TGFB1: variants seen among roughly 807,000 people sequenced by gnomAD.
TGFB1 encodes transforming growth factor beta 1.
TGFB1 carries 19 observed loss-of-function variants against 43.8 expected under a neutral mutation model. The ratio of observed to expected loss-of-function variants is 0.43; its 90% confidence interval spans 0.30 to 0.64. The LOEUF is 0.64. Among genes scored for constraint, TGFB1 ranks in the 30% least tolerant of loss-of-function variants. The pLI is 0.11. For synonymous variants in TGFB1, 221 were observed against 236.3 expected (o/e 0.94, Z 0.60); for missense variants, 445 against 529.8 (o/e 0.84, Z 1.57).
chr19:41,331,399 T>G lies in TGFB1; in HGVS notation c.1015-189A>C, dbSNP rs2037929346. 2.6e-5 allele frequency among the ~76,000 whole-genome samples: 4 copies of G among 151,916 alleles called. No individual in the cohort carries two copies. The South Asian group carries it at 8.3e-4, about 32-fold the overall frequency. ...CTATCTTATTCTGTCTCTCCCCACCTGTCTGATTTTCTTTTTGTTTTGAGA... is the reference window on the plus strand; with the variant it reads ...CTATCTTATTCTGTCTCTCCCCACCGGTCTGATTTTCTTTTTGTTTTGAGA... On this transcript the variant is annotated intron_variant, in intron 6 of 6. Transcript: ENST00000221930.
intron 5 of TGFB1, among the ~76,000 whole-genome samples, chr19:41,339,785 C>T (rs186924792): frequency 1.8e-4 from 28 of 152,252 alleles, no homozygotes; most frequent in East Asian, 1.7e-3. Context: ...GATCACGCCA[C>T]TGCACTCCAG....
intron 5 of TGFB1, 118 bp from the exon 6 acceptor site, chr19:41,332,399 T>C (rs2037943731): frequency 8.4e-7 from 1 of 1,194,094 alleles, no homozygotes; most frequent in Admixed American, 2.1e-5. Flanking sequence ...TATCTCCATC[T>C]GGGTCTCCCT....
Position 41,340,385 on chromosome 19 carries a change from C to G in TGFB1, c.860+1498G>C, listed in dbSNP as rs187658608. On this transcript the variant is annotated intron_variant, in intron 5 of 6. Coordinates refer to ENST00000221930, the MANE Select transcript of TGFB1 (RefSeq NM_000660.7). The stretch of plus-strand genomic sequence containing the variant: ...GATTCTCCTGCCCCAGCCTGGGTAC[C>G]TGGATAGCCGTAATCCCAGCCGAGT... Among the ~76,000 whole-genome samples, 242 of 151,760 alleles carry G rather than the reference C, an allele frequency of 1.6e-3. 1 individual carries two copies. The highest frequency in any genetic ancestry group is 5.6e-3 in the African/African-American group (232 of 41,356).
intron 5 of TGFB1, among the ~76,000 whole-genome samples, chr19:41,333,210 T>C: frequency 6.0e-5 from 2 of 33,158 alleles, no homozygotes; most frequent in African/African-American, 1.3e-3. Context: ...TTTTTTTCTA[T>C]TTTTTTTTTT....
At chr19:41,343,654 G>A (rs1357071028) in intron 3 of TGFB1, among the ~76,000 whole-genome samples, 1 of 152,018 alleles carries the variant, frequency 6.6e-6, no homozygotes, top group Non-Finnish European at 1.5e-5. Flanking sequence ...GATCATTCTA[G>A]GTCATTCCTG....
intron 5 of TGFB1, among the ~76,000 whole-genome samples, chr19:41,336,498 A>C (rs1599884754): frequency 7.0e-6 from 1 of 143,310 alleles, no homozygotes; most frequent in African/African-American, 2.6e-5. Flanking sequence ...CCAACCTCCC[A>C]CCTCAGCCTC....
At chr19:41,348,551 G>A in intron 1 of TGFB1, 96 bp from the exon 2 acceptor site, 1 of 1,128,968 alleles carries the variant, frequency 8.9e-7, no homozygotes. Flanking sequence ...TGACAGCTCT[G>A]GGGTGGAGTC....
intron 3 of TGFB1, among the ~76,000 whole-genome samples, chr19:41,343,469 A>G (rs944933840): frequency 2.0e-5 from 3 of 151,648 alleles, no homozygotes; most frequent in African/African-American, 7.3e-5. Flanking sequence ...CCAAACTACT[A>G]TTTATCCTGT....
At chr19:41,331,246 G>A in intron 6 of TGFB1, 36 bp from the exon 7 acceptor site, 2 of 1,474,246 alleles carry the variant, frequency 1.4e-6, no homozygotes, top group Non-Finnish European at 1.8e-6. Context: ...CTCAGGGCTC[G>A]TGGAGGGAGG....
At chr19:41,340,134 C>T (rs1350372272) in intron 5 of TGFB1, among the ~76,000 whole-genome samples, 1 of 152,122 alleles carries the variant, frequency 6.6e-6, no homozygotes, top group African/African-American at 2.4e-5. Context: ...CTCTAGGATT[C>T]CCCCTTTCCA....
chr19:41,345,069 G>A (rs1040885585), intron 2 of TGFB1, among the ~76,000 whole-genome samples: 4 of 152,182 alleles, frequency 2.6e-5, no homozygotes, highest in Non-Finnish European at 4.4e-5. Context: ...TGGAGAAAAA[G>A]CTCAGGCTGC....
At chr19:41,350,879 G>A (rs111403414) in intron 1 of TGFB1, 3,040 of 152,570 alleles carry the variant, frequency 0.02, 45 homozygotes, top group Non-Finnish European at 0.032. Context: ...CTTGGCTGGG[G>A]AAGACAGATA....
At chr19:41,345,707 GC>G (rs1411706199) in intron 2 of TGFB1, among the ~76,000 whole-genome samples, 1 of 151,342 alleles carries the variant, frequency 6.6e-6, no homozygotes, top group Non-Finnish European at 1.5e-5. Context: ...TTCAAGACCA[GC>G]CTGGCCAACA....
chr19:41,352,623 C>A, intron 1 of TGFB1, 67 bp downstream of exon 1: 1 of 1,566,408 alleles, frequency 6.4e-7, no homozygotes, highest in Non-Finnish European at 8.7e-7. Flanking sequence ...ACTTCCTACC[C>A]GTGGCCCCGG....
At chr19:41,344,681 C>T (rs900607270) in intron 3 of TGFB1, 66 bp downstream of exon 3, 5 of 1,481,694 alleles carry the variant, frequency 3.4e-6, no homozygotes, top group Admixed American at 3.4e-5. Context: ...GGCAAAGTGA[C>T]CCCAGGACAA....
chr19:41,351,324 T>TC (rs2038190385), intron 1 of TGFB1: 1 of 152,138 alleles, frequency 6.6e-6, no homozygotes, highest in African/African-American at 2.4e-5. Context: ...TGAGGGATCT[T>TC]CCCCAAGGCT....
rs2038244023 is a variant in TGFB1 at position 41,353,539 on chromosome 19, T to G, written c.-495A>C. The G allele has an allele frequency of 6.5e-6, 1 of 154,048 alleles. No homozygotes were observed. The highest frequency in any genetic ancestry group is 2.4e-5 in the African/African-American group (1 of 41,472). The allele number at this position is 154,048 out of a possible 1,614,324, so 9.5% of individuals were successfully genotyped here. On this transcript the variant is annotated 5_prime_UTR_variant, in exon 1 of 7. Transcript: ENST00000221930. The surrounding 1 kb of genome is among the most constrained non-coding windows in gnomAD (Gnocchi z 5.9). ...TCCCCGGCGGCAAAGGGAGGCGGTCTGGGGTCCCCAAGTCCTGCCTCCTCG... is the reference window on the plus strand; with the variant it reads ...TCCCCGGCGGCAAAGGGAGGCGGTCGGGGGTCCCCAAGTCCTGCCTCCTCG...
At chr19:41,335,895 G>C (rs1166649251) in intron 5 of TGFB1, among the ~76,000 whole-genome samples, 1 of 148 alleles carries the variant, frequency 6.8e-3, no homozygotes, top group Non-Finnish European at 0.025. Flanking sequence ...TAGGGCCCCA[G>C]GGGAGCCCAG....
Position 41,332,188 on chromosome 19 carries a change from A to G in TGFB1, c.954T>C (p.His318=). Residue 318 remains histidine, a synonymous_variant, in exon 6 of 7, where the codon CAT becomes CAC. Coordinates refer to ENST00000221930, the MANE Select transcript of TGFB1 (RefSeq NM_000660.7). ...WKWIHEPKGY[H]ANFCLGPCPY... ...GGCAGGGCCCGAGGCAGAAGTTGGC[A>G]TGGTAGCCCTTGGGCTCGTGGATCC... is the stretch of plus-strand genomic sequence containing the variant. The G allele has an allele frequency of 1.2e-6, 2 of 1,614,148 alleles. No individual in the cohort carries two copies. Among genetic ancestry groups the G allele is most frequent in the Non-Finnish European group, 1.7e-6 (2 of 1,180,014 alleles).
Sources: allele counts gnomAD v4.1 joint callset (sites outside exome capture counted in the v4.1 genomes callset), GRCh38; gene constraint gnomAD v4.1.1; non-coding constraint Gnocchi (gnomAD v3.1); transcripts MANE v1.5; gene names NCBI Gene and HGNC (gene_info 2026-07-23, HGNC 2026-07-21).